RASGRF2: variants seen among roughly 807,000 people sequenced by gnomAD.
RASGRF2 encodes Ras protein specific guanine nucleotide releasing factor 2.
Under a neutral mutation model 151.0 loss-of-function variants are expected in RASGRF2, and 76 were observed. The observed-to-expected ratio is 0.50, with a 90% CI of 0.42 to 0.61. The LOEUF is 0.61. Among genes scored for constraint, RASGRF2 ranks in the 20% least tolerant of loss-of-function variants. The pLI is 0.00. For missense variants in RASGRF2, 1,148 were observed against 1,564.6 expected (o/e 0.73, Z 4.49); for synonymous variants, 504 against 566.5 (o/e 0.89, Z 1.57).
chr5:81,086,017 C>T (rs1752219270), intron 8 of RASGRF2, 106 bp downstream of exon 8: 1 of 1,494,858 alleles, frequency 6.7e-7, no homozygotes, highest in Admixed American at 2.2e-5. Flanking sequence ...AAAACAAATC[C>T]AGCTTCTCAG....
intron 5 of RASGRF2, among the ~76,000 whole-genome samples, chr5:81,078,672 T>C (rs1256336950): frequency 6.6e-6 from 1 of 152,234 alleles, no homozygotes; most frequent in East Asian, 1.9e-4. Context: ...CACAGGTTTA[T>C]AGTTAAGAAA....
chr5:80,979,164 T>G (rs556486225), intron 1 of RASGRF2, among the ~76,000 whole-genome samples: 97 of 152,298 alleles, frequency 6.4e-4, no homozygotes, highest in African/African-American at 1.9e-3. Context: ...GTTCCCAATT[T>G]CTCCACCTTA....
chr5:81,097,185 T>G (rs1752572561), intron 12 of RASGRF2, among the ~76,000 whole-genome samples: 1 of 152,194 alleles, frequency 6.6e-6, no homozygotes, highest in Non-Finnish European at 1.5e-5. Context: ...GGTCTCAAAC[T>G]TCTGACCTCA....
At chr5:81,054,830 G>A (rs1438089299) in intron 2 of RASGRF2, among the ~76,000 whole-genome samples, 1 of 148,776 alleles carries the variant, frequency 6.7e-6, no homozygotes, top group Non-Finnish European at 1.5e-5. Flanking sequence ...TCTCCTTGAA[G>A]AGGTCCTTCA....
intron 17 of RASGRF2, among the ~76,000 whole-genome samples, chr5:81,128,332 T>G (rs1438013333): frequency 1.3e-5 from 2 of 152,216 alleles, no homozygotes; most frequent in Non-Finnish European, 2.9e-5. Context: ...TTAGTTAGCT[T>G]GACTTAATCA....
chr5:81,145,547 AG>A (rs1753986626), intron 17 of RASGRF2, among the ~76,000 whole-genome samples: 1 of 152,228 alleles, frequency 6.6e-6, no homozygotes, highest in South Asian at 2.1e-4. Context: ...TTTGGCACCT[AG>A]GTCATCAAAA....
intron 1 of RASGRF2, among the ~76,000 whole-genome samples, chr5:80,964,802 A>G (rs1396926343): frequency 6.6e-6 from 1 of 152,170 alleles, no homozygotes; most frequent in South Asian, 2.1e-4. Context: ...TTTACATGAC[A>G]TTACTTCAGG....
chr5:81,058,252 T>TA (rs1751295564), intron 2 of RASGRF2, among the ~76,000 whole-genome samples: 35 of 151,724 alleles, frequency 2.3e-4, no homozygotes, highest in Admixed American at 1.8e-3. Flanking sequence ...AAATACAAAA[T>TA]AAAAAAATAG....
chr5:81,008,219 C>T (rs2008264), intron 1 of RASGRF2, among the ~76,000 whole-genome samples: 70,117 of 145,100 alleles, frequency 0.48, 16,905 homozygotes, highest in South Asian at 0.55. Context: ...GGCACAATCT[C>T]GGCTCACTGC....
chr5:81,121,546 T>C (rs1473050247), intron 15 of RASGRF2, among the ~76,000 whole-genome samples: 1 of 152,180 alleles, frequency 6.6e-6, no homozygotes, highest in East Asian at 1.9e-4. Context: ...AGAAGCGAAA[T>C]AGGAAATATC....
chr5:81,087,436 A>T, intron 9 of RASGRF2: 1 of 657,718 alleles, frequency 1.5e-6, no homozygotes, highest in Non-Finnish European at 2.8e-6. Flanking sequence ...AATTTGATTC[A>T]ACTGGTAACT....
At chr5:81,197,597 A>G (rs1323613720) in intron 18 of RASGRF2, among the ~76,000 whole-genome samples, 1 of 152,060 alleles carries the variant, frequency 6.6e-6, no homozygotes, top group Non-Finnish European at 1.5e-5. Context: ...TGAAATTATG[A>G]TCTTGTTAAT....
chr5:81,205,311 C>T (rs1755481715), intron 19 of RASGRF2, among the ~76,000 whole-genome samples: 1 of 152,150 alleles, frequency 6.6e-6, no homozygotes, highest in Non-Finnish European at 1.5e-5. Context: ...CTTCCCTGAG[C>T]CTGCTTAAGA....
chr5:80,968,302 G>C (rs982974425), intron 1 of RASGRF2, among the ~76,000 whole-genome samples: 2 of 152,012 alleles, frequency 1.3e-5, no homozygotes, highest in Non-Finnish European at 2.9e-5. Flanking sequence ...TCATCCTCCA[G>C]CTTCAACATC....
At chr5:81,139,995 T>A (rs1753845845) in intron 17 of RASGRF2, among the ~76,000 whole-genome samples, 1 of 151,896 alleles carries the variant, frequency 6.6e-6, no homozygotes, top group East Asian at 1.9e-4. Flanking sequence ...ATCTGGCTAA[T>A]TTTTTTTAGG....
At chr5:81,056,502 A>T (rs556918002) in intron 2 of RASGRF2, among the ~76,000 whole-genome samples, 1 of 152,190 alleles carries the variant, frequency 6.6e-6, no homozygotes, top group Non-Finnish European at 1.5e-5. Context: ...ACAGTTTGTT[A>T]TAACTTCTGT....
At chr5:81,167,702 G>A (rs1185235000) in intron 17 of RASGRF2, among the ~76,000 whole-genome samples, 1 of 152,164 alleles carries the variant, frequency 6.6e-6, no homozygotes. Context: ...GCTGCCTCCA[G>A]GGCACATGAG....
At chr5:81,102,640 A>C (rs1270523597) in intron 12 of RASGRF2, among the ~76,000 whole-genome samples, 1 of 151,344 alleles carries the variant, frequency 6.6e-6, no homozygotes, top group Non-Finnish European at 1.5e-5. Context: ...GGTTGCAGTG[A>C]GCCGAGATCA....
At chr5:81,209,929 C>T (rs578131190) in intron 22 of RASGRF2, among the ~76,000 whole-genome samples, 40 of 152,300 alleles carry the variant, frequency 2.6e-4, no homozygotes, top group African/African-American at 8.9e-4. Flanking sequence ...AGGATCTAGA[C>T]GTCATCTTCT....
Sources: gnomAD v4.1 joint callset for allele counts (sites outside exome capture counted in the v4.1 genomes callset) on GRCh38, gnomAD v4.1.1 for gene constraint, MANE v1.5 for transcripts, NCBI Gene and HGNC (gene_info 2026-07-23, HGNC 2026-07-21) for gene names.